The following GRB14 variants were observed in gnomAD, a reference collection of about 807,000 sequenced individuals.
GRB14 encodes the protein growth factor receptor bound protein 14.
GRB14 carries 38 observed loss-of-function variants against 69.1 expected under a neutral mutation model. The ratio of observed to expected loss-of-function variants is 0.55; its 90% CI spans 0.42 to 0.72. GRB14 has a LOEUF of 0.72. Ranked by LOEUF, GRB14 falls within the 30% of genes least tolerant of loss-of-function variation. The probability of loss-of-function intolerance (pLI) is 0.00; values close to 1 mark genes in which losing one functional copy is unlikely to be tolerated. For synonymous variants in GRB14, 247 were observed against 241.3 expected, an observed-to-expected ratio of 1.02 and a Z score of -0.22; for missense variants, 666 against 666.1, an observed-to-expected ratio of 1.00 and a Z score of 0.00.
chr2:164,561,128 G>C (rs1380114140), intron 2 of GRB14, among the ~76,000 whole-genome samples: 1 of 152,086 alleles, frequency 6.6e-6, no homozygotes, highest in Non-Finnish European at 1.5e-5. Context: ...GCCAAATGTG[G>C]AACATGCAGT....
At chr2:164,511,840 C>G (rs1016142490) in intron 6 of GRB14, among the ~76,000 whole-genome samples, 4 of 152,160 alleles carry the variant, frequency 2.6e-5, no homozygotes, top group Non-Finnish European at 5.9e-5. Flanking sequence ...GAGGGGTCCC[C>G]AGTTCTGGGC....
At chr2:164,508,336 AT>A in intron 8 of GRB14, 118 bp downstream of exon 8, 1 of 706,762 alleles carries the variant, frequency 1.4e-6, no homozygotes, top group Non-Finnish European at 2.4e-6. Flanking sequence ...TTTGGTGGTT[AT>A]TTTTCTTCTT....
At chr2:164,548,663 C>T (rs988663744) in intron 2 of GRB14, among the ~76,000 whole-genome samples, 1 of 152,132 alleles carries the variant, frequency 6.6e-6, no homozygotes, top group African/African-American at 2.4e-5. Flanking sequence ...CCGTATCAAT[C>T]CACATTCTCA....
At chr2:164,522,171 C>A (rs1687651439) in intron 5 of GRB14, 54 bp from the exon 6 acceptor site, 1 of 956,568 alleles carries the variant, frequency 1.0e-6, no homozygotes. Context: ...GATATGGTAG[C>A]CTTATACTAA....
At chr2:164,554,931 A>C (rs1301776337) in intron 2 of GRB14, among the ~76,000 whole-genome samples, 1 of 152,114 alleles carries the variant, frequency 6.6e-6, no homozygotes, top group East Asian at 1.9e-4. Context: ...TTCAGAAAAA[A>C]AAACTTGAGG....
Position 164,493,132 on chromosome 2 carries a change from T to A in GRB14, c.1527A>T (p.Arg509Ser). The A allele has an allele frequency of 6.2e-7, 1 of 1,613,546 alleles. No individual in the cohort carries two copies. The highest frequency in any genetic ancestry group is 8.5e-7 in the Non-Finnish European group (1 of 1,179,668). Residue 509 changes from arginine (R) to serine (S), a missense_variant, in exon 14 of 14, where the codon AGA (arginine) becomes AGT (serine). By Grantham distance (110) the Arg-to-Ser change is moderately radical. Transcript: ENST00000263915. The part of the protein sequence containing the change: ...MFHTLDDGHT[R>S]FTDLIQLVEF... ...CCACCAGCTGTATTAGATCTGTAAATCTTGTGTGGCCATCATCCAGTGTGT... is the reference window on the plus strand; with the variant it reads ...CCACCAGCTGTATTAGATCTGTAAAACTTGTGTGGCCATCATCCAGTGTGT...
intron 2 of GRB14, among the ~76,000 whole-genome samples, chr2:164,581,964 T>C (rs1390487991): frequency 6.6e-6 from 1 of 152,238 alleles, no homozygotes; most frequent in Non-Finnish European, 1.5e-5. Context: ...AGCATCATAT[T>C]GGCATTCTTG....
intron 2 of GRB14, among the ~76,000 whole-genome samples, chr2:164,589,879 A>C (rs1689621082): frequency 6.6e-6 from 1 of 152,152 alleles, no homozygotes; most frequent in Admixed American, 6.5e-5. Context: ...TGGAAGTCCG[A>C]AATCAGGGTG....
intron 2 of GRB14, among the ~76,000 whole-genome samples, chr2:164,576,292 A>G (rs1267908904): frequency 6.6e-6 from 1 of 152,000 alleles, no homozygotes; most frequent in Non-Finnish European, 1.5e-5. Context: ...GAGAATTAAA[A>G]AGTAGGTATA....
At chr2:164,506,308 G>A (rs927209642) in intron 8 of GRB14, among the ~76,000 whole-genome samples, 2 of 152,142 alleles carry the variant, frequency 1.3e-5, no homozygotes, top group Non-Finnish European at 2.9e-5. Context: ...TAAACATGGT[G>A]GCTATCTGCC....
chr2:164,544,948 C>G (rs1368103167), intron 3 of GRB14, among the ~76,000 whole-genome samples: 2 of 152,214 alleles, frequency 1.3e-5, no homozygotes, highest in African/African-American at 4.8e-5. Context: ...TAAGAACACA[C>G]CTTTTCTGCC....
chr2:164,546,169 G>A (rs184439316), intron 3 of GRB14, among the ~76,000 whole-genome samples: 5 of 152,134 alleles, frequency 3.3e-5, no homozygotes, highest in Admixed American at 6.5e-5. Flanking sequence ...GCTGTTTTAG[G>A]TCTAAAATTC....
chr2:164,564,295 G>A (rs1688909688), intron 2 of GRB14, among the ~76,000 whole-genome samples: 1 of 152,192 alleles, frequency 6.6e-6, no homozygotes, highest in African/African-American at 2.4e-5. Context: ...AGGGAAGCTG[G>A]GCAGGCTGAG....
At chr2:164,505,342 G>C (rs1687161465) in intron 8 of GRB14, among the ~76,000 whole-genome samples, 1 of 152,156 alleles carries the variant, frequency 6.6e-6, no homozygotes, top group Admixed American at 6.5e-5. Flanking sequence ...ATTTTTAGAT[G>C]TGCATTTCGA....
At chr2:164,563,206 G>T (rs1036441842) in intron 2 of GRB14, among the ~76,000 whole-genome samples, 5 of 152,082 alleles carry the variant, frequency 3.3e-5, no homozygotes, top group African/African-American at 1.2e-4. Flanking sequence ...ACAAGTAATA[G>T]AATATTATTT....
intron 5 of GRB14, 129 bp downstream of exon 5, chr2:164,524,875 C>T: frequency 3.7e-6 from 2 of 544,686 alleles, no homozygotes; most frequent in Non-Finnish European, 3.2e-6. Context: ...TTTAGTTTTA[C>T]CTCCAGCAAA....
At chr2:164,560,819 G>A (rs1212938005) in intron 2 of GRB14, among the ~76,000 whole-genome samples, 2 of 152,018 alleles carry the variant, frequency 1.3e-5, no homozygotes, top group Non-Finnish European at 1.5e-5. Flanking sequence ...CTGATTAGGA[G>A]GCTTTCTGAC....
intron 3 of GRB14, among the ~76,000 whole-genome samples, chr2:164,535,513 A>G (rs1329093176): frequency 2.0e-5 from 3 of 152,186 alleles, no homozygotes; most frequent in Admixed American, 2.0e-4. Flanking sequence ...GAGAAGAAAC[A>G]AAAGTGGCTT....
chr2:164,561,739 CA>C (rs1188895278), intron 2 of GRB14, among the ~76,000 whole-genome samples: 1 of 152,092 alleles, frequency 6.6e-6, no homozygotes, highest in African/African-American at 2.4e-5. Flanking sequence ...TTTCCTCATC[CA>C]AAAATGGGTT....
Sources: allele counts gnomAD v4.1 joint callset (sites outside exome capture counted in the v4.1 genomes callset), GRCh38; gene constraint gnomAD v4.1.1; transcripts MANE v1.5; gene names NCBI Gene and HGNC (gene_info 2026-07-23, HGNC 2026-07-21).